Variants in APOLD1 observed in about 807,000 individuals in gnomAD.
The protein encoded by APOLD1 is apolipoprotein L domain-containing protein 1.
A neutral mutation model predicts 15.3 loss-of-function variants in APOLD1; 22 were observed. The observed-to-expected ratio is 1.44, with a 90% CI of 1.03 to 2.05. APOLD1 has a LOEUF of 2.05. APOLD1 is among the 30% of genes most tolerant of loss of function. The probability of loss-of-function intolerance (pLI) is 0.00; values close to 1 mark genes in which losing one functional copy is unlikely to be tolerated. For missense variants in APOLD1, 394 were observed against 353.5 expected (o/e 1.11, Z -0.92); for synonymous variants, 190 against 167.4 (o/e 1.13, Z -1.04).
chr12:12,786,904 C>T lies in APOLD1; in HGVS notation c.4-5C>T, dbSNP rs1226974484. ...CAGGCTGACCGCGTGTCTATGTCCC[C>T]GCAGGGAATGGAGAGGCCGGCGGCC... On this transcript the variant is annotated splice_polypyrimidine_tract_variant and splice_region_variant and intron_variant, in intron 1 of 1. Coordinates refer to ENST00000356591, the MANE Select transcript of APOLD1 (RefSeq NM_030817.3). The T allele has an allele frequency of 2.1e-6, 3 of 1,427,100 alleles. No homozygotes were observed. Among genetic ancestry groups the T allele is most frequent in the African/African-American group, 1.5e-5 (1 of 66,456 alleles). 88.4% of individuals were successfully genotyped at this position (1,427,100 alleles called of 1,614,324 possible).
At chr12:12,786,844 C>T in intron 1 of APOLD1, 65 bp from the exon 2 acceptor site, 1 of 1,349,680 alleles carries the variant, frequency 7.4e-7, no homozygotes, top group Non-Finnish European at 9.5e-7. Flanking sequence ...GGCGTCCGGG[C>T]AGCAGGGCGG....
chr12:12,746,324 T>C (rs1034613431), intron 1 of APOLD1, among the ~76,000 whole-genome samples: 2 of 152,138 alleles, frequency 1.3e-5, no homozygotes, highest in Non-Finnish European at 2.9e-5. Flanking sequence ...GGTGAAACCC[T>C]GTCTCTACAT....
chr12:12,761,797 A>G, intron 1 of APOLD1, among the ~76,000 whole-genome samples: 1 of 144,028 alleles, frequency 6.9e-6, no homozygotes, highest in Admixed American at 6.8e-5. Flanking sequence ...GAACATATAT[A>G]TATACATGAA....
intron 1 of APOLD1, among the ~76,000 whole-genome samples, chr12:12,729,011 T>G (rs892871720): frequency 7.2e-5 from 11 of 152,230 alleles, no homozygotes; most frequent in Non-Finnish European, 1.3e-4. Context: ...GATCATCCTG[T>G]TTCGTTCCTT....
At chr12:12,744,138 A>G (rs116465562) in intron 1 of APOLD1, among the ~76,000 whole-genome samples, 2,927 of 152,096 alleles carry the variant, frequency 0.019, 96 homozygotes, top group African/African-American at 0.067. Flanking sequence ...GAACATAGCA[A>G]GACTGCGTTT....
intron 1 of APOLD1, among the ~76,000 whole-genome samples, chr12:12,766,220 T>G (rs1175793682): frequency 6.6e-6 from 1 of 152,172 alleles, no homozygotes; most frequent in South Asian, 2.1e-4. Flanking sequence ...CTGCCTCAAC[T>G]CTCTTTAGGT....
intron 1 of APOLD1, among the ~76,000 whole-genome samples, chr12:12,770,013 C>T (rs941239784): frequency 6.6e-6 from 1 of 152,054 alleles, no homozygotes; most frequent in Non-Finnish European, 1.5e-5. Flanking sequence ...TTTGAAGAGA[C>T]AAAGCAAGCA....
chr12:12,733,136 A>G (rs1237994732), intron 1 of APOLD1, among the ~76,000 whole-genome samples: 1 of 149,380 alleles, frequency 6.7e-6, no homozygotes, highest in African/African-American at 2.5e-5. Context: ...CAACGTGGTG[A>G]AACTCCATCT....
chr12:12,787,694 C>G lies in APOLD1; in HGVS notation c.*42C>G. ...TAATGACCGAGGCCAGCAAATCATC[C>G]TCATGGGATGCTCCAGAATTTGTAG... On this transcript the variant is annotated 3_prime_UTR_variant, in exon 2 of 2. Coordinates refer to ENST00000356591, the MANE Select transcript of APOLD1 (RefSeq NM_030817.3). The surrounding 1 kb of genome is among the most constrained non-coding windows in gnomAD (Gnocchi z 4.9). The G allele has an allele frequency of 6.5e-7, 1 of 1,533,208 alleles. No individual in the cohort carries two copies. The highest frequency in any genetic ancestry group is 8.7e-7 in the Non-Finnish European group (1 of 1,146,480). 95.0% of individuals were successfully genotyped at this position (1,533,208 alleles called of 1,614,324 possible). A position where few individuals can be genotyped will look rare whatever the true frequency, so the allele number is the denominator to read the frequency against.
At chr12:12,757,133 A>G (rs1946862598) in intron 1 of APOLD1, among the ~76,000 whole-genome samples, 1 of 152,218 alleles carries the variant, frequency 6.6e-6, no homozygotes, top group Non-Finnish European at 1.5e-5. Context: ...AACAAGAACT[A>G]TAAAAAATAT....
upstream of APOLD1, among the ~76,000 whole-genome samples, chr12:12,780,949 G>T (rs1947075220): frequency 6.6e-6 from 1 of 151,598 alleles, no homozygotes; most frequent in East Asian, 2.0e-4. Flanking sequence ...ATACAGTTAA[G>T]TATTAAAAGG....
chr12:12,748,743 GC>G (rs1249183823), intron 1 of APOLD1, among the ~76,000 whole-genome samples: 1 of 152,120 alleles, frequency 6.6e-6, no homozygotes, highest in Non-Finnish European at 1.5e-5. Flanking sequence ...TATTGTGGGA[GC>G]CCTCTTACTA....
chr12:12,774,047 T>C (rs1947008763), intron 1 of APOLD1, among the ~76,000 whole-genome samples: 1 of 152,106 alleles, frequency 6.6e-6, no homozygotes, highest in Non-Finnish European at 1.5e-5. Flanking sequence ...ACTTTTCAGA[T>C]ACAACATCAA....
intron 1 of APOLD1, among the ~76,000 whole-genome samples, chr12:12,776,003 C>CAAAAAAAAAAAAAAAAAAAAAAAAAAAAA (rs34623976): frequency 1.6e-5 from 1 of 62,204 alleles, no homozygotes; most frequent in African/African-American, 6.4e-5. Context: ...GACCCAGTCT[C>CAAAAAAAAAAAAAAAAAAAAAAAAAAAAA]AAAAAAAAAA....
intron 1 of APOLD1, among the ~76,000 whole-genome samples, chr12:12,757,855 A>T (rs1448642467): frequency 3.3e-5 from 5 of 151,868 alleles, no homozygotes; most frequent in African/African-American, 1.2e-4. Context: ...GTCTTGGAAC[A>T]TATGCCTCAT....
intron 1 of APOLD1, among the ~76,000 whole-genome samples, chr12:12,727,086 T>G (rs1043006374): frequency 2.3e-4 from 35 of 152,330 alleles, no homozygotes; most frequent in African/African-American, 8.4e-4. Context: ...CCTGTGAAAC[T>G]GTATTTCCAA....
chr12:12,735,219 C>T (rs1946674978), intron 1 of APOLD1, among the ~76,000 whole-genome samples: 1 of 151,958 alleles, frequency 6.6e-6, no homozygotes, highest in African/African-American at 2.4e-5. Flanking sequence ...AACAAGACCC[C>T]ATCTCTAAAA....
At chr12:12,729,878 T>G (rs1946622627) in intron 1 of APOLD1, among the ~76,000 whole-genome samples, 1 of 151,588 alleles carries the variant, frequency 6.6e-6, no homozygotes, top group African/African-American at 2.4e-5. Flanking sequence ...ACTGGGACAT[T>G]TTTTTTTGAG....
At chr12:12,737,322 T>C (rs1226116783) in intron 1 of APOLD1, among the ~76,000 whole-genome samples, 1 of 152,060 alleles carries the variant, frequency 6.6e-6, no homozygotes, top group Non-Finnish European at 1.5e-5. Flanking sequence ...GAAGCTATAA[T>C]GGCTGTGACC....
Sources: gnomAD v4.1 joint callset for allele counts (sites outside exome capture counted in the v4.1 genomes callset) on GRCh38, gnomAD v4.1.1 for gene constraint, Gnocchi (gnomAD v3.1) non-coding constraint, MANE v1.5 for transcripts, NCBI Gene and HGNC (gene_info 2026-07-23, HGNC 2026-07-21) for gene names.